Variants in ROS1 observed in about 807,000 individuals in gnomAD.
ROS1 encodes ROS proto-oncogene 1, receptor tyrosine kinase, also known as proto-oncogene tyrosine-protein kinase ROS.
Under a neutral mutation model 273.5 loss-of-function variants are expected in ROS1, and 263 were observed. That is an observed-to-expected ratio of 0.96 (90% confidence interval 0.87 to 1.06). The LOEUF (loss-of-function observed/expected upper bound fraction) is 1.06, where lower values mean the gene tolerates loss of function less well. ROS1 is among the 50% of genes least tolerant of loss of function. The pLI is 0.00. For synonymous variants in ROS1, 1,008 were observed against 954.1 expected (o/e 1.06, Z -1.04); for missense variants, 2,833 against 2,751.1 (o/e 1.03, Z -0.67).
At chr6:117,302,625 T>C (rs189462096) in intron 42 of ROS1, among the ~76,000 whole-genome samples, 61 of 152,350 alleles carry the variant, frequency 4.0e-4, no homozygotes, top group African/African-American at 1.2e-3. Context: ...AGGGAATCCA[T>C]TCCTGTTTCT....
At position 117,413,570 on chromosome 6, in the gene ROS1, T is replaced by C. The variant is rs74965451; in HGVS notation, c.255+949A>G. 2.2e-3 allele frequency among the ~76,000 whole-genome samples: 333 copies of C among 152,278 alleles called. 4 individuals are homozygous for C. The East Asian group carries it at 0.047, about 21-fold the overall frequency. On this transcript the variant is annotated intron_variant, in intron 4 of 43. Transcript: ENST00000368507. ...AGAGAAAATCAAGTGTAGCAGAGGTTGCTTAGAGCACCGTAAGGACACCTG... is the reference window on the plus strand; with the variant it reads ...AGAGAAAATCAAGTGTAGCAGAGGTCGCTTAGAGCACCGTAAGGACACCTG...
chr6:117,388,464 A>G (rs1040897766), intron 13 of ROS1, among the ~76,000 whole-genome samples: 18 of 152,230 alleles, frequency 1.2e-4, no homozygotes, highest in African/African-American at 4.3e-4. Context: ...ACTTTGTTCT[A>G]AAGCAAAAAC....
intron 31 of ROS1, among the ~76,000 whole-genome samples, chr6:117,339,554 GAGAC>G (rs1271698621): frequency 1.3e-5 from 2 of 152,092 alleles, no homozygotes; most frequent in Non-Finnish European, 1.5e-5. Context: ...TTGTTCAAAA[GAGAC>G]AGCACTTTCT....
intron 43 of ROS1, among the ~76,000 whole-genome samples, chr6:117,299,909 C>T (rs979584338): frequency 1.4e-5 from 2 of 145,486 alleles, no homozygotes; most frequent in Non-Finnish European, 3.0e-5. Context: ...TAGAATGGTT[C>T]CAGAATATTA....
chr6:117,324,953 T>C (rs1050040459), intron 34 of ROS1, among the ~76,000 whole-genome samples: 1 of 152,086 alleles, frequency 6.6e-6, no homozygotes, highest in Non-Finnish European at 1.5e-5. Context: ...GAATAAGTTT[T>C]ACCTTTGTAA....
At chr6:117,333,516 C>T (rs182031706) in intron 32 of ROS1, among the ~76,000 whole-genome samples, 1 of 152,244 alleles carries the variant, frequency 6.6e-6, no homozygotes, top group Admixed American at 6.5e-5. Flanking sequence ...CATCCTGATA[C>T]CAAAACTGGG....
intron 5 of ROS1, among the ~76,000 whole-genome samples, chr6:117,408,423 C>A (rs1248213476): frequency 6.6e-6 from 1 of 152,194 alleles, no homozygotes; most frequent in African/African-American, 2.4e-5. Flanking sequence ...AGGCACTTCT[C>A]CAAAGAAGAC....
chr6:117,338,279 G>C (rs1410894915), intron 31 of ROS1, among the ~76,000 whole-genome samples: 1 of 151,658 alleles, frequency 6.6e-6, no homozygotes, highest in African/African-American at 2.4e-5. Flanking sequence ...CTTTATATTA[G>C]TTTTCTATTC....
At chr6:117,403,974 T>C (rs762732497) in intron 6 of ROS1, among the ~76,000 whole-genome samples, 14 of 152,148 alleles carry the variant, frequency 9.2e-5, no homozygotes, top group Non-Finnish European at 1.6e-4. Context: ...AGGTGGCTCA[T>C]GCCTGTAATC....
chr6:117,398,371 A>C (rs141629222), intron 7 of ROS1, among the ~76,000 whole-genome samples: 1 of 152,178 alleles, frequency 6.6e-6, no homozygotes, highest in African/African-American at 2.4e-5. Context: ...GAAAAGACCC[A>C]GTTAAAAGGC....
At chr6:117,337,140 G>A (rs1777538595) in intron 32 of ROS1, 32 bp downstream of exon 32, 1 of 1,554,642 alleles carries the variant, frequency 6.4e-7, no homozygotes, top group Admixed American at 1.9e-5. Context: ...GAAACACAGA[G>A]TTTTCTGAGT....
intron 5 of ROS1, among the ~76,000 whole-genome samples, chr6:117,408,138 A>G (rs1360395047): frequency 6.6e-6 from 1 of 151,962 alleles, no homozygotes; most frequent in African/African-American, 2.4e-5. Flanking sequence ...AATACCATTC[A>G]GGACATAGGC....
rs556303105 is a variant in ROS1 at position 117,389,466 on chromosome 6, A to G, written c.1670T>C (p.Phe557Ser). The change falls in exon 13 of 44, where the codon TTT (phenylalanine) becomes TCT (serine). Residue 557 changes from phenylalanine (F) to serine (S), a missense_variant. By Grantham distance (155) the Phe-to-Ser change is radical. Coordinates refer to ENST00000368507, the MANE Select transcript of ROS1 (RefSeq NM_001378902.1). ...EEFGFGNLVI[F>S]GSSSQLHPLP... ...AGGGTGCAGCTGGGAGGATGAGCCA[A>G]AGATGACCAAGTTACCAAACCCAAA... 6.2e-7 allele frequency: 1 copy of G among 1,614,218 alleles called. No individual in the cohort carries two copies. Among genetic ancestry groups the G allele is most frequent in the East Asian group, 2.2e-5 (1 of 44,876 alleles).
intron 1 of ROS1, among the ~76,000 whole-genome samples, chr6:117,424,239 G>T (rs749964520): frequency 6.6e-6 from 1 of 151,860 alleles, no homozygotes; most frequent in Non-Finnish European, 1.5e-5. Context: ...AAATCTCAGG[G>T]TCTAGGGGAA....
intron 43 of ROS1, among the ~76,000 whole-genome samples, chr6:117,291,211 T>C (rs1031755015): frequency 1.3e-5 from 2 of 152,230 alleles, no homozygotes; most frequent in Non-Finnish European, 2.9e-5. Context: ...TTTCCTAAAA[T>C]TTTATTTCTG....
rs1434611083 is a variant in ROS1, at chr6:117,365,129, A to G, written c.3034T>C (p.Ser1012Pro). Residue 1012 changes from serine (S) to proline (P), a missense_variant, in exon 21 of 44, where the codon TCT (serine) becomes CCT (proline). Physicochemically the swap from Ser to Pro is moderately conservative, Grantham distance 74 (BLOSUM62 -1). Coordinates refer to ENST00000368507, the MANE Select transcript of ROS1 (RefSeq NM_001378902.1). ...CCCCAGTAGGTATAAGGAGTGACAG[A>G]AAGATTAAATAAGGCATAAGGTTCC... The part of the protein sequence containing the change: ...GLEPYALFNL[S>P]VTPYTYWGKG... 5 of 1,613,630 alleles carry G rather than the reference A, an allele frequency of 3.1e-6. No individual in the cohort carries two copies. The highest frequency in any genetic ancestry group is 4.2e-6 in the Non-Finnish European group (5 of 1,179,682).
In ROS1 at chr6:117,362,881, A is replaced by ACAGGTAGAG; in HGVS notation, c.3104-25_3104-17dup. 6.3e-7 allele frequency: 1 copy of ACAGGTAGAG among 1,594,538 alleles called. No individual in the cohort carries two copies. Among genetic ancestry groups the ACAGGTAGAG allele is most frequent in the Non-Finnish European group, 8.5e-7 (1 of 1,170,908 alleles). Reference sequence around the variant, plus strand: ...GCTGATGGAACTGAAAAGTAGAGGCACAGGTAGAGCAGAAAAGAATATAAG... The same window carrying ACAGGTAGAG: ...GCTGATGGAACTGAAAAGTAGAGGCACAGGTAGAGCAGGTAGAGCAGAAAAGAATATAAG... On this transcript the variant is annotated splice_polypyrimidine_tract_variant and intron_variant, in intron 21 of 43. Transcript: ENST00000368507.
chr6:117,324,228 A>C (rs889983949), intron 35 of ROS1, 104 bp downstream of exon 35: 1 of 658,648 alleles, frequency 1.5e-6, no homozygotes, highest in Admixed American at 3.0e-5. Flanking sequence ...TAACTTAATC[A>C]GGCAATATTT....
chr6:117,379,264 G>A, intron 17 of ROS1, 105 bp from the exon 18 acceptor site: 1 of 644,772 alleles, frequency 1.6e-6, no homozygotes. Context: ...CATCCTCTTT[G>A]GAATAATAAA....
Sources: gnomAD v4.1 joint callset for allele counts (sites outside exome capture counted in the v4.1 genomes callset) on GRCh38, gnomAD v4.1.1 for gene constraint, MANE v1.5 for transcripts, NCBI Gene and HGNC (gene_info 2026-07-23, HGNC 2026-07-21) for gene names.